ERC2: variants seen among roughly 807,000 people sequenced by gnomAD.
ERC2 encodes ELKS/RAB6-interacting/CAST family member 2.
ERC2 carries 42 observed loss-of-function variants against 114.8 expected under a neutral mutation model. That is an observed-to-expected ratio of 0.37 (90% CI 0.29 to 0.47). The LOEUF (loss-of-function observed/expected upper bound fraction) is 0.47, where lower values mean the gene tolerates loss of function less well. Ranked by LOEUF, ERC2 falls within the 20% of genes least tolerant of loss-of-function variation. The probability of loss-of-function intolerance (pLI) is 0.99; values close to 1 mark genes in which losing one functional copy is unlikely to be tolerated. For missense variants in ERC2, 939 were observed against 1,150.7 expected, an observed-to-expected ratio of 0.82 and a Z score of 2.66; for synonymous variants, 454 against 425.5, an observed-to-expected ratio of 1.07 and a Z score of -0.82.
intron 17 of ERC2, among the ~76,000 whole-genome samples, chr3:55,637,558 T>C (rs11714808): frequency 0.11 from 16,639 of 152,216 alleles, 1,149 homozygotes; most frequent in Middle Eastern, 0.22. Context: ...AAACCCAAGT[T>C]ACTGCAAACT....
At chr3:56,181,905 G>A (rs1409857441) in intron 3 of ERC2, among the ~76,000 whole-genome samples, 1 of 152,184 alleles carries the variant, frequency 6.6e-6, no homozygotes. Context: ...TCAAAAAAGT[G>A]GATCATCCAG....
chr3:56,342,313 G>C (rs193063701), intron 2 of ERC2, among the ~76,000 whole-genome samples: 2 of 152,194 alleles, frequency 1.3e-5, no homozygotes, highest in Non-Finnish European at 2.9e-5. Flanking sequence ...ACAAAAACAC[G>C]TAACACTTCA....
chr3:55,722,522 T>C (rs1029369702), intron 15 of ERC2, among the ~76,000 whole-genome samples: 5 of 152,184 alleles, frequency 3.3e-5, no homozygotes, highest in Non-Finnish European at 7.3e-5. Flanking sequence ...TCTTTGGTTT[T>C]TCCCATAGTA....
chr3:56,466,738 A>T (rs1337812336), intron 1 of ERC2, among the ~76,000 whole-genome samples: 2 of 152,164 alleles, frequency 1.3e-5, no homozygotes, highest in African/African-American at 2.4e-5. Context: ...CGGCTCCAAA[A>T]ATACCTTATA....
At chr3:55,814,617 T>C (rs1185197792) in intron 14 of ERC2, among the ~76,000 whole-genome samples, 1 of 152,238 alleles carries the variant, frequency 6.6e-6, no homozygotes, top group Non-Finnish European at 1.5e-5. Context: ...GGTCAATCTT[T>C]CTATAGAAGT....
At chr3:56,439,511 G>C (rs977632799) in intron 1 of ERC2, among the ~76,000 whole-genome samples, 2 of 152,072 alleles carry the variant, frequency 1.3e-5, no homozygotes, top group Non-Finnish European at 2.9e-5. Context: ...TTTTCACTAT[G>C]TTTACTTGTC....
intron 14 of ERC2, among the ~76,000 whole-genome samples, chr3:55,818,688 G>C (rs562264013): frequency 1.3e-5 from 2 of 152,156 alleles, no homozygotes; most frequent in South Asian, 4.1e-4. Flanking sequence ...GGGGTGCTAC[G>C]TGTGTGCAAT....
chr3:55,566,760 G>A (rs564863955), intron 17 of ERC2, among the ~76,000 whole-genome samples: 2 of 151,898 alleles, frequency 1.3e-5, no homozygotes, highest in East Asian at 3.9e-4. Context: ...GTGCAGTGGT[G>A]CAATCTTGGC....
At chr3:55,537,108 G>A (rs1431196872) in intron 17 of ERC2, among the ~76,000 whole-genome samples, 4 of 152,164 alleles carry the variant, frequency 2.6e-5, no homozygotes, top group African/African-American at 9.7e-5. Flanking sequence ...ACACCTTGGC[G>A]TCCTTTGCCA....
chr3:55,845,919 G>T (rs943333140), intron 14 of ERC2, among the ~76,000 whole-genome samples: 4 of 152,228 alleles, frequency 2.6e-5, no homozygotes, highest in Non-Finnish European at 5.9e-5. Context: ...GGGACAGAAA[G>T]TTATAAGGAA....
intron 13 of ERC2, among the ~76,000 whole-genome samples, chr3:55,914,078 C>T (rs1416312749): frequency 6.6e-6 from 1 of 151,886 alleles, no homozygotes; most frequent in East Asian, 1.9e-4. Context: ...AACAAGGAGA[C>T]TGGATACTCA....
intron 2 of ERC2, among the ~76,000 whole-genome samples, chr3:56,322,820 T>C (rs2057188678): frequency 6.6e-6 from 1 of 152,124 alleles, no homozygotes; most frequent in South Asian, 2.1e-4. Flanking sequence ...GTCTCTGCTA[T>C]GATTTGGATG....
intron 17 of ERC2, among the ~76,000 whole-genome samples, chr3:55,585,578 T>C (rs567240439): frequency 1.3e-3 from 198 of 152,324 alleles, no homozygotes; most frequent in African/African-American, 4.5e-3. Flanking sequence ...ATAAAGTCTT[T>C]TGCATAGGGT....
intron 17 of ERC2, among the ~76,000 whole-genome samples, chr3:55,594,234 C>T (rs1032461920): frequency 3.3e-5 from 5 of 152,150 alleles, no homozygotes; most frequent in East Asian, 1.9e-4. Context: ...GACAGAAGAA[C>T]ATCAAAGTGT....
chr3:55,784,783 C>G (rs952005735), intron 14 of ERC2, among the ~76,000 whole-genome samples: 6 of 152,146 alleles, frequency 3.9e-5, no homozygotes, highest in African/African-American at 1.4e-4. Context: ...GGAGACATGC[C>G]TTTGTCTCTT....
At chr3:56,244,615 TA>T (rs978208773) in intron 3 of ERC2, among the ~76,000 whole-genome samples, 3 of 151,972 alleles carry the variant, frequency 2.0e-5, no homozygotes, top group African/African-American at 7.3e-5. Context: ...ACAAAAAAGT[TA>T]AAACAGTAAA....
intron 7 of ERC2, among the ~76,000 whole-genome samples, chr3:56,079,795 T>C (rs2149754081): frequency 6.6e-6 from 1 of 152,316 alleles, no homozygotes; most frequent in South Asian, 2.1e-4. Flanking sequence ...AACCGTTTTA[T>C]GCATTATGAG....
intron 2 of ERC2, among the ~76,000 whole-genome samples, chr3:56,420,810 T>C (rs948349581): frequency 6.7e-6 from 1 of 149,372 alleles, no homozygotes; most frequent in Non-Finnish European, 1.5e-5. Flanking sequence ...AGGAGGAGAA[T>C]GGCATGAACC....
At chr3:56,051,195 T>C (rs2075746138) in intron 7 of ERC2, among the ~76,000 whole-genome samples, 3 of 152,192 alleles carry the variant, frequency 2.0e-5, no homozygotes, top group Admixed American at 1.3e-4. Context: ...TCATGATTCA[T>C]ACATTCAATA....
Sources: allele counts gnomAD v4.1 joint callset (sites outside exome capture counted in the v4.1 genomes callset), GRCh38; gene constraint gnomAD v4.1.1; transcripts MANE v1.5; gene names NCBI Gene and HGNC (gene_info 2026-07-23, HGNC 2026-07-21).